RAD23B: variants seen among roughly 807,000 people sequenced by gnomAD.
RAD23B encodes the protein RAD23 nucleotide excision repair protein B, also known as lysine-specific demethylase RAD23B.
RAD23B carries 5 observed loss-of-function variants against 49.1 expected under a neutral mutation model. The observed-to-expected ratio is 0.10, with a 90% confidence interval of 0.05 to 0.21. The LOEUF (loss-of-function observed/expected upper bound fraction) is 0.21, where lower values mean the gene tolerates loss of function less well. Among genes scored for constraint, RAD23B ranks in the 10% least tolerant of loss-of-function variants. The probability of loss-of-function intolerance (pLI) is 1.00; values close to 1 mark genes in which losing one functional copy is unlikely to be tolerated. For missense variants in RAD23B, 356 were observed against 486.7 expected, an observed-to-expected ratio of 0.73 and a Z score of 2.53; for synonymous variants, 184 against 165.4, an observed-to-expected ratio of 1.11 and a Z score of -0.86.
In RAD23B at chr9:107,302,022, C is replaced by G. The variant is rs907807523; in HGVS notation, c.149-13C>G. 3 of 1,600,958 alleles carry G rather than the reference C, an allele frequency of 1.9e-6. No homozygotes were observed. Among genetic ancestry groups the G allele is most frequent in the African/African-American group, 2.7e-5 (2 of 73,694 alleles). On this transcript the variant is annotated splice_polypyrimidine_tract_variant and intron_variant, in intron 2 of 9. Coordinates refer to ENST00000358015, the MANE Select transcript of RAD23B (RefSeq NM_002874.5). ...TATGCCTTAAATGATTTTTTTTTCT[C>G]TTAATGTATTAGGCAAAATCCTCAA...
At chr9:107,297,797 C>G (rs1826560145) in intron 1 of RAD23B, among the ~76,000 whole-genome samples, 3 of 151,440 alleles carry the variant, frequency 2.0e-5, no homozygotes, top group African/African-American at 7.3e-5. Context: ...CTAGAGAGTC[C>G]CGTTACTTAT....
intron 1 of RAD23B, among the ~76,000 whole-genome samples, chr9:107,299,914 T>A (rs536292372): frequency 6.6e-6 from 1 of 152,278 alleles, no homozygotes; most frequent in East Asian, 1.9e-4. Flanking sequence ...AGTAAATTTT[T>A]AAAAATCTGT....
At chr9:107,310,212 C>A (rs1481039988) in intron 4 of RAD23B, among the ~76,000 whole-genome samples, 1 of 151,924 alleles carries the variant, frequency 6.6e-6, no homozygotes, top group Non-Finnish European at 1.5e-5. Context: ...ATACTGTACA[C>A]CTGCAAAAAT....
chr9:107,291,728 C>CGAA (rs1564239970), intron 1 of RAD23B, among the ~76,000 whole-genome samples: 1 of 151,858 alleles, frequency 6.6e-6, no homozygotes. Context: ...GGAGAAGAAC[C>CGAA]GAAGAACCAA....
At chr9:107,293,815 G>A (rs768026768) in intron 1 of RAD23B, among the ~76,000 whole-genome samples, 5 of 152,154 alleles carry the variant, frequency 3.3e-5, no homozygotes, top group African/African-American at 4.8e-5. Flanking sequence ...ACAGAGTCTT[G>A]CTCTGTTGCT....
At chr9:107,326,176 T>C (rs945980174) in intron 9 of RAD23B, among the ~76,000 whole-genome samples, 5 of 152,178 alleles carry the variant, frequency 3.3e-5, no homozygotes, top group African/African-American at 1.2e-4. Flanking sequence ...GTCTGTAGTT[T>C]TTTTGTGATG....
At chr9:107,292,407 G>C (rs895174433) in intron 1 of RAD23B, among the ~76,000 whole-genome samples, 2 of 152,034 alleles carry the variant, frequency 1.3e-5, no homozygotes, top group African/African-American at 4.8e-5. Context: ...CAGGCTGAGC[G>C]CCGTGGCTTA....
chr9:107,291,194 AG>A (rs1367449655), intron 1 of RAD23B, among the ~76,000 whole-genome samples: 2 of 152,216 alleles, frequency 1.3e-5, no homozygotes, highest in African/African-American at 4.8e-5. Flanking sequence ...TGGTTGAATT[AG>A]GTAGGCACCT....
chr9:107,309,447 T>G, intron 4 of RAD23B, among the ~76,000 whole-genome samples: 1 of 152,194 alleles, frequency 6.6e-6, no homozygotes, highest in East Asian at 1.9e-4. Flanking sequence ...TAAACAACAT[T>G]GTTCATTTTC....
intron 3 of RAD23B, 100 bp downstream of exon 3, chr9:107,302,214 A>G: frequency 1.3e-6 from 2 of 1,502,238 alleles, no homozygotes; most frequent in Non-Finnish European, 1.8e-6. Flanking sequence ...ACACATCCAT[A>G]GTGGTGTACA....
chr9:107,331,469 A>G lies in RAD23B; in HGVS notation c.*1813A>G. The G allele has an allele frequency of 1.9e-6, 1 of 522,672 alleles. No homozygotes were observed. Among genetic ancestry groups the G allele is most frequent in the Non-Finnish European group, 3.4e-6 (1 of 295,014 alleles). 32.4% of individuals were successfully genotyped at this position (522,672 alleles called of 1,614,324 possible). A position where few individuals can be genotyped will look rare whatever the true frequency, so the allele number is the denominator to read the frequency against. Reference sequence around the variant, plus strand: ...CGTGAGCTGAGATCACACCACTGCCATAAACATGACAGGCTTTTGGACTTT... The same window carrying G: ...CGTGAGCTGAGATCACACCACTGCCGTAAACATGACAGGCTTTTGGACTTT... On this transcript the variant is annotated 3_prime_UTR_variant, in exon 10 of 10. Transcript: ENST00000358015.
At position 107,306,685 on chromosome 9, in the gene RAD23B, C is replaced by T. The variant is rs11573671; in HGVS notation, c.497+38C>T. The T allele has an allele frequency of 3.2e-3, 4,968 of 1,576,320 alleles. 132 individuals carry two copies. The African/African-American group carries it at 0.056, about 18-fold the overall frequency. ...TTCTAGGACATTCTATCTCAAAATC[C>T]GTGTTTAACAGGAACTTCATGCATT... On this transcript the variant is annotated intron_variant, in intron 4 of 9. Coordinates refer to ENST00000358015, the MANE Select transcript of RAD23B (RefSeq NM_002874.5).
At chr9:107,321,151 G>A (rs1159114600) in intron 6 of RAD23B, among the ~76,000 whole-genome samples, 2 of 151,956 alleles carry the variant, frequency 1.3e-5, no homozygotes, top group South Asian at 2.1e-4. Context: ...ACTTACAAAA[G>A]GCATCACCTA....
intron 7 of RAD23B, among the ~76,000 whole-genome samples, chr9:107,322,951 T>C (rs1827139184): frequency 6.6e-6 from 1 of 152,200 alleles, no homozygotes; most frequent in Admixed American, 6.5e-5. Context: ...TCTCTAAGTC[T>C]CGTTGCCTTC....
chr9:107,306,917 T>C (rs1826791405), intron 4 of RAD23B, among the ~76,000 whole-genome samples: 1 of 131,348 alleles, frequency 7.6e-6, no homozygotes, highest in Non-Finnish European at 1.8e-5. Context: ...AGTCATTTTT[T>C]TTTTTTTGAG....
At position 107,324,033 on chromosome 9, in the gene RAD23B, C is replaced by A; in HGVS notation, c.945+16C>A. 1.2e-6 allele frequency: 2 copies of A among 1,611,616 alleles called. No homozygotes were observed. The highest frequency in any genetic ancestry group is 2.2e-5 in the South Asian group (2 of 90,976). On this transcript the variant is annotated intron_variant, in intron 8 of 9. Transcript: ENST00000358015. ...ATTACTTCAGGTGACTAATCAGTGT[C>A]AGTTTCACAAGTGATTTAGAGTGTG...
chr9:107,313,767 T>G (rs1326442096), intron 5 of RAD23B, among the ~76,000 whole-genome samples: 5 of 152,172 alleles, frequency 3.3e-5, no homozygotes, highest in Non-Finnish European at 7.3e-5. Context: ...CATTTTTTAT[T>G]CCCCAGTCTG....
At chr9:107,326,937 C>G (rs1827217785) in intron 9 of RAD23B, among the ~76,000 whole-genome samples, 1 of 152,086 alleles carries the variant, frequency 6.6e-6, no homozygotes, top group South Asian at 2.1e-4. Flanking sequence ...CTGCACCCGG[C>G]CAACTTTTCT....
At chr9:107,293,265 C>CT (rs1328936114) in intron 1 of RAD23B, among the ~76,000 whole-genome samples, 2 of 152,186 alleles carry the variant, frequency 1.3e-5, no homozygotes, top group African/African-American at 4.8e-5. Context: ...TCAGCAGTAT[C>CT]TTACTGTTCT....
Sources: allele counts gnomAD v4.1 joint callset (sites outside exome capture counted in the v4.1 genomes callset), GRCh38; gene constraint gnomAD v4.1.1; transcripts MANE v1.5; gene names NCBI Gene and HGNC (gene_info 2026-07-23, HGNC 2026-07-21).